Variants in DDX31 observed in about 807,000 individuals in gnomAD.
DDX31 encodes the protein ATP-dependent DNA helicase DDX31.
In DDX31, 70 loss-of-function variants were observed where a neutral mutation model predicts 91.3. The ratio of observed to expected loss-of-function variants is 0.77; its 90% CI spans 0.63 to 0.94. The LOEUF (loss-of-function observed/expected upper bound fraction) is 0.94, where lower values mean the gene tolerates loss of function less well. DDX31 is among the 40% of genes least tolerant of loss of function. DDX31 has a pLI of 0.00. For synonymous variants in DDX31, 362 were observed against 350.6 expected, an observed-to-expected ratio of 1.03 and a Z score of -0.36; for missense variants, 902 against 925.0, an observed-to-expected ratio of 0.98 and a Z score of 0.32.
intron 18 of DDX31, among the ~76,000 whole-genome samples, chr9:132,617,655 A>G (rs1389856531): frequency 6.6e-6 from 1 of 152,212 alleles, no homozygotes; most frequent in Non-Finnish European, 1.5e-5. Flanking sequence ...AAGTCTCATT[A>G]GACATGGTCA....
At chr9:132,627,904 G>A (rs922532357) in intron 16 of DDX31, among the ~76,000 whole-genome samples, 5 of 152,180 alleles carry the variant, frequency 3.3e-5, no homozygotes, top group South Asian at 2.1e-4. Context: ...TCTCAGGCAC[G>A]AAACATGCAC....
At chr9:132,648,157 A>G (rs777445463) in intron 11 of DDX31, 32 bp downstream of exon 11, 21 of 1,545,268 alleles carry the variant, frequency 1.4e-5, no homozygotes, top group Non-Finnish European at 1.9e-5. Context: ...CATTAAGAAC[A>G]AAGAAGGACC....
At chr9:132,606,809 A>AG (rs1426366450) in intron 19 of DDX31, among the ~76,000 whole-genome samples, 1 of 152,152 alleles carries the variant, frequency 6.6e-6, no homozygotes, top group Non-Finnish European at 1.5e-5. Context: ...GAAACCAGAG[A>AG]GGGGCAAGGG....
chr9:132,639,148 G>A (rs1833321331), intron 14 of DDX31, among the ~76,000 whole-genome samples: 2 of 152,122 alleles, frequency 1.3e-5, no homozygotes, highest in Admixed American at 1.3e-4. Context: ...ACCCAGGCAT[G>A]ATCTATTACA....
chr9:132,642,689 T>C (rs1053365017), intron 13 of DDX31, among the ~76,000 whole-genome samples: 2 of 152,040 alleles, frequency 1.3e-5, no homozygotes, highest in African/African-American at 4.8e-5. Context: ...CATGCTCTTA[T>C]ATAGCAACAG....
At chr9:132,655,622 C>T (rs930302262) in intron 6 of DDX31, among the ~76,000 whole-genome samples, 1 of 151,984 alleles carries the variant, frequency 6.6e-6, no homozygotes, top group Admixed American at 6.6e-5. Flanking sequence ...ATTTTTGGTA[C>T]TCTTTGAAAT....
At chr9:132,640,948 C>A (rs1833465909) in intron 14 of DDX31, among the ~76,000 whole-genome samples, 1 of 152,174 alleles carries the variant, frequency 6.6e-6, no homozygotes, top group African/African-American at 2.4e-5. Flanking sequence ...ACACAGATCT[C>A]CTCAGGAGGC....
intron 19 of DDX31, among the ~76,000 whole-genome samples, chr9:132,597,637 G>T (rs536289008): frequency 2.1e-4 from 32 of 152,250 alleles, no homozygotes; most frequent in African/African-American, 7.5e-4. Context: ...CTACAGAAGC[G>T]GTGCGGGCTG....
At chr9:132,650,806 T>C (rs1834135286) in intron 8 of DDX31, among the ~76,000 whole-genome samples, 1 of 152,238 alleles carries the variant, frequency 6.6e-6, no homozygotes, top group Admixed American at 6.5e-5. Flanking sequence ...CATCAGGCTG[T>C]ACCTGTGAAT....
intron 19 of DDX31, among the ~76,000 whole-genome samples, chr9:132,603,301 C>T (rs1351923193): frequency 6.6e-6 from 1 of 152,246 alleles, no homozygotes; most frequent in Non-Finnish European, 1.5e-5. Flanking sequence ...GTAGCTATAA[C>T]ATTGGGACCA....
chr9:132,601,137 T>C (rs1452725484), intron 19 of DDX31, among the ~76,000 whole-genome samples: 1 of 152,182 alleles, frequency 6.6e-6, no homozygotes, highest in Non-Finnish European at 1.5e-5. Context: ...CCTCTGGGCC[T>C]GTCCTGTTTG....
chr9:132,627,268 T>C (rs1832454862), intron 16 of DDX31, among the ~76,000 whole-genome samples: 1 of 152,212 alleles, frequency 6.6e-6, no homozygotes, highest in Non-Finnish European at 1.5e-5. Flanking sequence ...TGTGCTGATA[T>C]TCCAGCCAGA....
chr9:132,657,126 G>C (rs1834618468), intron 6 of DDX31, among the ~76,000 whole-genome samples: 1 of 152,128 alleles, frequency 6.6e-6, no homozygotes, highest in Non-Finnish European at 1.5e-5. Flanking sequence ...AACAAAGCAA[G>C]AATATTTGCT....
At position 132,594,753 on chromosome 9, in the gene DDX31, T is replaced by G. The variant is rs556141300; in HGVS notation, c.*113A>C. ...GTGGCCCCTCTGATTCTTGGGGACG[T>G]GGTATTCAGGCAAAGGCGCAGTTAT... On this transcript the variant is annotated 3_prime_UTR_variant, in exon 20 of 20. Transcript: ENST00000372159. The G allele has an allele frequency of 1.4e-5, 21 of 1,495,096 alleles. No homozygotes were observed. The East Asian group carries it at 4.8e-4, about 34-fold the overall frequency. 92.6% of individuals were successfully genotyped at this position (1,495,096 alleles called of 1,614,324 possible).
At chr9:132,623,509 T>A (rs1226635758) in intron 17 of DDX31, among the ~76,000 whole-genome samples, 1 of 129,518 alleles carries the variant, frequency 7.7e-6, no homozygotes, top group Non-Finnish European at 1.5e-5. Flanking sequence ...GCCAAGATCG[T>A]GCCACTGTAC....
intron 1 of DDX31, chr9:132,669,447 C>G: frequency 1.8e-6 from 1 of 545,356 alleles, no homozygotes; most frequent in South Asian, 1.9e-5. Flanking sequence ...CATGACTCTT[C>G]CCAGACAGGA....
chr9:132,601,122 G>A (rs1036831652), intron 19 of DDX31, among the ~76,000 whole-genome samples: 28 of 152,146 alleles, frequency 1.8e-4, no homozygotes, highest in African/African-American at 5.1e-4. Flanking sequence ...ACCCCAGAGC[G>A]CAGCCCTCTG....
At position 132,593,143 on chromosome 9, in the gene DDX31, C is replaced by A. The variant is rs993476494; in HGVS notation, c.*1723G>T. 3 of 152,176 alleles carry A rather than the reference C, an allele frequency of 2.0e-5. No homozygotes were observed. Among genetic ancestry groups the A allele is most frequent in the African/African-American group, 7.2e-5 (3 of 41,430 alleles). The allele number at this position is 152,176 out of a possible 1,614,324, so 9.4% of individuals were successfully genotyped here. On this transcript the variant is annotated 3_prime_UTR_variant, in exon 20 of 20. Coordinates refer to ENST00000372159, the MANE Select transcript of DDX31 (RefSeq NM_022779.9). ...CACATAGCATCTATGGCAAGAAACC[C>A]TCACCATAAGAGTTAGCAGATTAAG...
At chr9:132,665,958 A>G (rs573262599) in intron 1 of DDX31, among the ~76,000 whole-genome samples, 2 of 152,292 alleles carry the variant, frequency 1.3e-5, no homozygotes, top group African/African-American at 4.8e-5. Flanking sequence ...ACAATACTAT[A>G]ATCCCTTTTA....
Sources: allele counts gnomAD v4.1 joint callset (sites outside exome capture counted in the v4.1 genomes callset), GRCh38; gene constraint gnomAD v4.1.1; transcripts MANE v1.5; gene names NCBI Gene and HGNC (gene_info 2026-07-23, HGNC 2026-07-21).